KLHL18: variants seen among roughly 807,000 people sequenced by gnomAD.
KLHL18 encodes the protein kelch like family member 18.
In KLHL18, 38 loss-of-function variants were observed where a neutral mutation model predicts 58.5. The observed-to-expected ratio is 0.65, with a 90% confidence interval of 0.50 to 0.85. The LOEUF is 0.85. Among genes scored for constraint, KLHL18 ranks in the 40% least tolerant of loss-of-function variants. The pLI is 0.00. For synonymous variants in KLHL18, 303 were observed against 301.9 expected (o/e 1.00, Z -0.04); for missense variants, 624 against 778.4 (o/e 0.80, Z 2.36).
chr3:47,333,139 C>T lies in KLHL18; in HGVS notation c.601-18C>T. On this transcript the variant is annotated intron_variant, in intron 4 of 9. Transcript: ENST00000232766. ...TGGGTGGGAGGATTTGCTGCCAGAA[C>T]ATCCACTCTCATGACAGGTCTTTGA... is the stretch of plus-strand genomic sequence containing the variant. The T allele has an allele frequency of 6.2e-7, 1 of 1,607,386 alleles. No homozygotes were observed. Among genetic ancestry groups the T allele is most frequent in the South Asian group, 1.1e-5 (1 of 90,166 alleles).
chr3:47,336,718 A>T lies in KLHL18; in HGVS notation c.1082A>T (p.Asp361Val), dbSNP rs760401118. The T allele has an allele frequency of 1.2e-6, 2 of 1,614,094 alleles. No homozygotes were observed. The highest frequency in any genetic ancestry group is 2.7e-5 in the African/African-American group (2 of 74,922). The change falls in exon 7 of 10, where the codon GAC becomes GTC. Residue 361 changes from aspartate to valine, a missense_variant. Asp to Val is a radical substitution (Grantham distance 152, BLOSUM62 -3). Coordinates refer to ENST00000232766, the MANE Select transcript of KLHL18 (RefSeq NM_025010.5). ...STVEAYNPET[D>V]TWTRVGSMNS... ...GTGGAGGCCTACAACCCGGAGACAG[A>T]CACATGGACCAGAGTGGGGAGCATG...
At chr3:47,298,429 A>T (rs1006803370) in intron 1 of KLHL18, among the ~76,000 whole-genome samples, 2 of 151,980 alleles carry the variant, frequency 1.3e-5, no homozygotes, top group East Asian at 3.9e-4. Context: ...GGAGCCCCCT[A>T]AAATGGGGAC....
chr3:47,343,599 T>C lies in KLHL18; in HGVS notation c.1383T>C (p.Ala461=). 2 of 1,614,054 alleles carry C rather than the reference T, an allele frequency of 1.2e-6. No individual in the cohort carries two copies. Among genetic ancestry groups the C allele is most frequent in the Non-Finnish European group, 1.7e-6 (2 of 1,180,036 alleles). ...NHHTATWHPA[A]GMLNKRCRHG... ...ACACAGCCACCTGGCACCCTGCAGCTGGCATGCTCAACAAGCGCTGCCGGC... is the reference window on the plus strand; with the variant it reads ...ACACAGCCACCTGGCACCCTGCAGCCGGCATGCTCAACAAGCGCTGCCGGC... Residue 461 remains alanine, a synonymous_variant, in exon 10 of 10, where the codon GCT becomes GCC. Transcript: ENST00000232766.
intron 1 of KLHL18, among the ~76,000 whole-genome samples, chr3:47,294,904 C>T (rs553044579): frequency 6.6e-6 from 1 of 152,152 alleles, no homozygotes; most frequent in South Asian, 2.1e-4. Flanking sequence ...CTAATTCTGA[C>T]TTGTTCTTGA....
At chr3:47,331,397 A>C (rs1433250998) in intron 4 of KLHL18, among the ~76,000 whole-genome samples, 1 of 137,734 alleles carries the variant, frequency 7.3e-6, no homozygotes, top group Admixed American at 7.3e-5. Context: ...AAGTGCTGGG[A>C]TTATAAGCAT....
At chr3:47,337,326 T>G (rs909287529) in intron 7 of KLHL18, 2 of 161,226 alleles carry the variant, frequency 1.2e-5, no homozygotes, top group Non-Finnish European at 2.8e-5. Context: ...CAAGTTGATA[T>G]GTCACTCAGT....
chr3:47,297,565 A>G (rs770906991), intron 1 of KLHL18: 18 of 456,510 alleles, frequency 3.9e-5, no homozygotes, highest in African/African-American at 2.2e-4. Context: ...ACTTCAGCCA[A>G]CTGAATTTTC....
intron 8 of KLHL18, among the ~76,000 whole-genome samples, chr3:47,341,361 A>G (rs1704105044): frequency 6.6e-6 from 1 of 152,180 alleles, no homozygotes; most frequent in African/African-American, 2.4e-5. Context: ...TGACCAATCT[A>G]CTGTGGATCA....
At chr3:47,312,705 C>G (rs1490950106) in intron 1 of KLHL18, among the ~76,000 whole-genome samples, 4 of 152,104 alleles carry the variant, frequency 2.6e-5, no homozygotes, top group Non-Finnish European at 5.9e-5. Flanking sequence ...CTCCCATTCG[C>G]TTTGTGCTCC....
rs541493998 is a variant in KLHL18 at position 47,288,168 on chromosome 3, C to T, written c.129+5074C>T. On this transcript the variant is annotated intron_variant, in intron 1 of 9. Coordinates refer to ENST00000232766, the MANE Select transcript of KLHL18 (RefSeq NM_025010.5). ...CCTGGGAGGCGGAGGTTGCAGTGAG[C>T]CAAGATCACGCCACTGCACTCCAGC... Among the ~76,000 whole-genome samples, 115 of 148,214 alleles carry T rather than the reference C, an allele frequency of 7.8e-4. 3 individuals are homozygous for T. The South Asian group carries it at 0.024, about 31-fold the overall frequency.
intron 8 of KLHL18, among the ~76,000 whole-genome samples, chr3:47,342,120 A>C (rs1704123076): frequency 6.6e-6 from 1 of 152,046 alleles, no homozygotes; most frequent in Non-Finnish European, 1.5e-5. Context: ...ACATGAAGGA[A>C]CCTGGATTCT....
chr3:47,333,308 A>G lies in KLHL18; in HGVS notation c.752A>G (p.His251Arg), dbSNP rs768587327. Residue 251 changes from histidine to arginine, a missense_variant, in exon 5 of 10, where the codon CAC (histidine) becomes CGC (arginine). Transcript: ENST00000232766. ...CAGGATGACCTGGTGCGTTGCTGCC[A>G]CAAATGCAGGTGAGTGAGGGTGGAC... is the stretch of plus-strand genomic sequence containing the variant. ...VQQDDLVRCC[H>R]KCRDLVDEAK... 3 of 1,613,594 alleles carry G rather than the reference A, an allele frequency of 1.9e-6. No homozygotes were observed. The highest frequency in any genetic ancestry group is 2.5e-6 in the Non-Finnish European group (3 of 1,179,718).
chr3:47,320,432 T>C (rs1255863803), intron 2 of KLHL18, among the ~76,000 whole-genome samples: 1 of 152,170 alleles, frequency 6.6e-6, no homozygotes, highest in African/African-American at 2.4e-5. Flanking sequence ...TATTTCATGG[T>C]TCAGAAAATT....
intron 1 of KLHL18, among the ~76,000 whole-genome samples, chr3:47,288,432 G>GT (rs758831223): frequency 6.6e-6 from 1 of 152,044 alleles, no homozygotes; most frequent in Non-Finnish European, 1.5e-5. Context: ...GTCACTGACG[G>GT]TAAATGAACT....
chr3:47,333,330 G>T lies in KLHL18; in HGVS notation c.761+13G>T. ...GCCACAAATGCAGGTGAGTGAGGGTGGACCTGCACAGGACACTGCCAAAGG... is the reference window on the plus strand; with the variant it reads ...GCCACAAATGCAGGTGAGTGAGGGTTGACCTGCACAGGACACTGCCAAAGG... On this transcript the variant is annotated intron_variant, in intron 5 of 9. Coordinates refer to ENST00000232766, the MANE Select transcript of KLHL18 (RefSeq NM_025010.5). The T allele has an allele frequency of 6.2e-7, 1 of 1,610,852 alleles. No individual in the cohort carries two copies. Among genetic ancestry groups the T allele is most frequent in the African/African-American group, 1.3e-5 (1 of 75,002 alleles).
Position 47,296,797 on chromosome 3 carries a change from G to T in KLHL18, c.129+13703G>T, listed in dbSNP as rs189033127. On this transcript the variant is annotated intron_variant, in intron 1 of 9. Coordinates refer to ENST00000232766, the MANE Select transcript of KLHL18 (RefSeq NM_025010.5). ...GTTTCTTAAATAAGTAAGACATAGA[G>T]GAGCAAGGTGGAAGGTGGGATTGGA... Among the ~76,000 whole-genome samples, 133 of 152,312 alleles carry T rather than the reference G, an allele frequency of 8.7e-4. 2 individuals are homozygous for T. Among genetic ancestry groups the T allele is most frequent in the African/African-American group, 3.0e-3 (125 of 41,562 alleles).
chr3:47,319,782 A>G lies in KLHL18; in HGVS notation c.259A>G (p.Ser87Gly). ...GATTGTAATGCAAGGAATGGACCCAAGGTACTGAATCCCACCATTAGGTTT... is the reference window on the plus strand; with the variant it reads ...GATTGTAATGCAAGGAATGGACCCAGGGTACTGAATCCCACCATTAGGTTT... ...DEIVMQGMDP[S>G]ALEALINFAY... is the part of the protein sequence containing the mutation. The change falls in exon 2 of 10, where the codon AGT becomes GGT. Residue 87 changes from serine (S) to glycine (G), a missense_variant and splice_region_variant. Transcript: ENST00000232766. 4 of 1,613,350 alleles carry G rather than the reference A, an allele frequency of 2.5e-6. No individual in the cohort carries two copies. Among genetic ancestry groups the G allele is most frequent in the Non-Finnish European group, 3.4e-6 (4 of 1,179,416 alleles).
Position 47,334,586 on chromosome 3 carries a change from C to T in KLHL18, c.762-97C>T. 7.0e-7 allele frequency: 1 copy of T among 1,426,432 alleles called. No homozygotes were observed. The highest frequency in any genetic ancestry group is 9.7e-7 in the Non-Finnish European group (1 of 1,027,424). The allele number at this position is 1,426,432 out of a possible 1,614,324, so 88.4% of individuals were successfully genotyped here. On this transcript the variant is annotated intron_variant, in intron 5 of 9. Transcript: ENST00000232766. The surrounding 1 kb of genome is among the most constrained non-coding windows in gnomAD (Gnocchi z 4.7). ...CCAGAAGGCTTCTCCTCCCAGGTTT[C>T]CCCTGCAGTTGGCAGTGGAGAGCCA...
chr3:47,340,003 G>GGTAC (rs1704073672), intron 7 of KLHL18, among the ~76,000 whole-genome samples: 1 of 152,182 alleles, frequency 6.6e-6, no homozygotes. Context: ...GAGCTATGAT[G>GGTAC]GTACCACTGC....
Sources: allele counts gnomAD v4.1 joint callset (sites outside exome capture counted in the v4.1 genomes callset), GRCh38; gene constraint gnomAD v4.1.1; non-coding constraint Gnocchi (gnomAD v3.1); transcripts MANE v1.5; gene names NCBI Gene and HGNC (gene_info 2026-07-23, HGNC 2026-07-21).